Variants in PRKAR1A observed in about 807,000 individuals in gnomAD.
PRKAR1A encodes the protein cAMP-dependent protein kinase type I-alpha regulatory subunit.
Under a neutral mutation model 52.0 loss-of-function variants are expected in PRKAR1A, and 3 were observed. The ratio of observed to expected loss-of-function variants is 0.06; its 90% CI spans 0.03 to 0.15. The LOEUF is 0.15. Ranked by LOEUF, PRKAR1A falls within the 10% of genes least tolerant of loss-of-function variation. The pLI, the probability that PRKAR1A is intolerant of heterozygous loss-of-function variation, is 1.00. For missense variants in PRKAR1A, 240 were observed against 477.4 expected (o/e 0.50, Z 4.63); for synonymous variants, 188 against 168.4 (o/e 1.12, Z -0.90).
chr17:68,522,956 T>C (rs1361625255), intron 3 of PRKAR1A, 30 bp downstream of exon 3: 8 of 1,611,042 alleles, frequency 5.0e-6, no homozygotes, highest in African/African-American at 2.7e-5. Context: ...ATCGGGGGGA[T>C]GCTTTTGGGA....
the PRKAR1A span, chr17:68,428,199 A>G: frequency 3.4e-5 from 5 of 147,198 alleles, no homozygotes; most frequent in Non-Finnish European, 7.4e-5. Flanking sequence ...TGACTGGTAG[A>G]GCACTTTTCA....
At chr17:68,482,146 T>G in the PRKAR1A span, among the ~76,000 whole-genome samples, 1 of 152,184 alleles carries the variant, frequency 6.6e-6, no homozygotes, top group African/African-American at 2.4e-5. Flanking sequence ...TGGAGTTGAA[T>G]TTTGAAAGAT....
the PRKAR1A span, among the ~76,000 whole-genome samples, chr17:68,505,677 G>T: frequency 6.6e-6 from 1 of 152,154 alleles, no homozygotes; most frequent in Non-Finnish European, 1.5e-5. Flanking sequence ...GCTGGGCGTG[G>T]TGGTGTATGC....
the PRKAR1A span, among the ~76,000 whole-genome samples, chr17:68,454,772 G>GAAATACTGT: frequency 9.9e-5 from 15 of 152,212 alleles, no homozygotes; most frequent in Non-Finnish European, 1.5e-5. Context: ...AGTAAGGAAA[G>GAAATACTGT]AAATACTGTA....
chr17:68,542,429 G>T (rs2086343740), intron 11 of PRKAR1A, among the ~76,000 whole-genome samples: 1 of 152,140 alleles, frequency 6.6e-6, no homozygotes, highest in Non-Finnish European at 1.5e-5. Flanking sequence ...ACCCTGGGTG[G>T]ATAACCTCTG....
rs748822358 is a variant in PRKAR1A, at chr17:68,525,825, T to C, written c.621T>C (p.Tyr207=). The part of the protein sequence containing the change: ...GGSFGELALI[Y]GTPRAATVKA... ...GCTTTGGAGAACTTGCTTTGATTTA[T>C]GGAACACCGAGAGCAGCCACTGTCA... The change falls in exon 7 of 11, where the codon TAT becomes TAC. Residue 207 remains tyrosine (Y), a synonymous_variant. Coordinates refer to ENST00000589228, the MANE Select transcript of PRKAR1A (RefSeq NM_002734.5). 3 of 1,613,856 alleles carry C rather than the reference T, an allele frequency of 1.9e-6. No individual in the cohort carries two copies. Among genetic ancestry groups the C allele is most frequent in the East Asian group, 2.2e-5 (1 of 44,888 alleles).
the PRKAR1A span, among the ~76,000 whole-genome samples, chr17:68,463,486 C>A: frequency 6.6e-6 from 1 of 151,996 alleles, no homozygotes; most frequent in Non-Finnish European, 1.5e-5. Flanking sequence ...ATGACGCTGT[C>A]CAAAATAAAT....
At chr17:68,467,106 T>A in the PRKAR1A span, among the ~76,000 whole-genome samples, 1 of 152,254 alleles carries the variant, frequency 6.6e-6, no homozygotes, top group Admixed American at 6.5e-5. Flanking sequence ...CATTTCTTTT[T>A]ATGGCTGAAT....
the PRKAR1A span, chr17:68,422,049 G>A: frequency 1.7e-6 from 1 of 572,610 alleles, no homozygotes. Context: ...GTCTCTGTGT[G>A]TGTGTGTATG....
intron 3 of PRKAR1A, 81 bp downstream of exon 3, chr17:68,523,007 A>G: frequency 3.2e-6 from 5 of 1,539,394 alleles, no homozygotes; most frequent in Admixed American, 3.5e-5. Context: ...TGAATGAATC[A>G]TAAAATACAA....
chr17:68,523,908 G>A (rs2085697945), intron 4 of PRKAR1A, 92 bp downstream of exon 4: 1 of 1,574,736 alleles, frequency 6.4e-7, no homozygotes. Flanking sequence ...AGAGCTCTTA[G>A]TAATTGTTCA....
chr17:68,494,731 C>T, the PRKAR1A span, among the ~76,000 whole-genome samples: 1 of 151,806 alleles, frequency 6.6e-6, no homozygotes. Flanking sequence ...CTCAGCTGGG[C>T]CTGGTATATC....
the PRKAR1A span, among the ~76,000 whole-genome samples, chr17:68,441,680 G>A: frequency 6.6e-6 from 1 of 152,136 alleles, no homozygotes; most frequent in Non-Finnish European, 1.5e-5. Flanking sequence ...CTGACTGCCC[G>A]CATGGACAGG....
chr17:68,485,251 C>T, the PRKAR1A span, among the ~76,000 whole-genome samples: 2 of 152,194 alleles, frequency 1.3e-5, no homozygotes, highest in African/African-American at 4.8e-5. Context: ...CAAAGATCAA[C>T]TTCGCTTCCA....
the PRKAR1A span, among the ~76,000 whole-genome samples, chr17:68,502,779 A>T: frequency 1.4e-5 from 2 of 145,786 alleles, no homozygotes; most frequent in Non-Finnish European, 3.0e-5. Context: ...AAAAAAAAAA[A>T]GATATTTTGA....
chr17:68,528,669 A>G, intron 8 of PRKAR1A: 1 of 639,114 alleles, frequency 1.6e-6, no homozygotes. Context: ...TACCGAAGTA[A>G]GGATCTAAGG....
chr17:68,440,539 T>C, the PRKAR1A span, among the ~76,000 whole-genome samples: 1 of 152,242 alleles, frequency 6.6e-6, no homozygotes, highest in Non-Finnish European at 1.5e-5. Flanking sequence ...CAGAGGCTTT[T>C]CACTGTTCTG....
At chr17:68,537,565 A>G (rs764331035), downstream of PRKAR1A, 50 of 1,613,180 alleles carry the variant, frequency 3.1e-5, no homozygotes, top group South Asian at 1.8e-4. This position sits in a 1 kb window ranked among gnomAD's most constrained non-coding sequence, Gnocchi z 4.2. Context: ...ATGGGCCACT[A>G]TGCACCCCTC....
the PRKAR1A span, among the ~76,000 whole-genome samples, chr17:68,418,769 C>T: frequency 6.6e-6 from 1 of 152,112 alleles, no homozygotes; most frequent in African/African-American, 2.4e-5. Flanking sequence ...ACAGGGTCCC[C>T]TGTAGGAGAA....
Sources: allele counts gnomAD v4.1 joint callset (sites outside exome capture counted in the v4.1 genomes callset), GRCh38; gene constraint gnomAD v4.1.1; non-coding constraint Gnocchi (gnomAD v3.1); transcripts MANE v1.5; gene names NCBI Gene and HGNC (gene_info 2026-07-23, HGNC 2026-07-21).